MACROD2: variants seen among roughly 807,000 people sequenced by gnomAD.
MACROD2 encodes the protein ADP-ribose glycohydrolase MACROD2.
A neutral mutation model predicts 70.4 loss-of-function variants in MACROD2; 36 were observed. That is an observed-to-expected ratio of 0.51 (90% CI 0.39 to 0.68). MACROD2 has a LOEUF of 0.68. Among genes scored for constraint, MACROD2 ranks in the 30% least tolerant of loss-of-function variants. The pLI, the probability that MACROD2 is intolerant of heterozygous loss-of-function variation, is 0.00. For missense variants in MACROD2, 496 were observed against 538.4 expected (o/e 0.92, Z 0.78); for synonymous variants, 172 against 178.8 (o/e 0.96, Z 0.30).
chr20:15,829,460 C>T (rs958831096), intron 8 of MACROD2, among the ~76,000 whole-genome samples: 9 of 152,046 alleles, frequency 5.9e-5, no homozygotes, highest in African/African-American at 1.2e-4. Flanking sequence ...TCATCCAGGC[C>T]GTAGATACTA....
chr20:14,854,755 G>A (rs1425701990), intron 5 of MACROD2, among the ~76,000 whole-genome samples: 1 of 152,144 alleles, frequency 6.6e-6, no homozygotes, highest in Non-Finnish European at 1.5e-5. Context: ...GATGGCTCAC[G>A]CCTATAATCC....
intron 12 of MACROD2, among the ~76,000 whole-genome samples, chr20:15,938,086 AC>A (rs1162523676): frequency 1.3e-4 from 20 of 152,098 alleles, no homozygotes; most frequent in Admixed American, 3.9e-4. Context: ...AAAAAAAAAA[AC>A]AATTTACTTT....
At chr20:14,040,860 G>C (rs144785718) in intron 2 of MACROD2, among the ~76,000 whole-genome samples, 1,798 of 152,184 alleles carry the variant, frequency 0.012, 32 homozygotes, top group African/African-American at 0.041. Context: ...GATTGTAGTG[G>C]GCATGCTATT....
chr20:14,685,598 C>T (rs1391818187), intron 5 of MACROD2, among the ~76,000 whole-genome samples: 1 of 152,164 alleles, frequency 6.6e-6, no homozygotes, highest in African/African-American at 2.4e-5. Flanking sequence ...AACTGGGTGG[C>T]ATGGTATGGG....
At chr20:15,242,514 C>G (rs1295622180) in intron 6 of MACROD2, among the ~76,000 whole-genome samples, 2 of 152,028 alleles carry the variant, frequency 1.3e-5, no homozygotes, top group African/African-American at 4.8e-5. Flanking sequence ...ATTGTGATGT[C>G]TTTGTTTTTG....
At chr20:15,176,442 A>G (rs1568618197) in intron 5 of MACROD2, among the ~76,000 whole-genome samples, 1 of 152,034 alleles carries the variant, frequency 6.6e-6, no homozygotes, top group Non-Finnish European at 1.5e-5. Context: ...ATCAGCATGC[A>G]CTTCCTCCCT....
At chr20:15,873,652 G>GTAGAAAGAT (rs1284782486) in intron 9 of MACROD2, among the ~76,000 whole-genome samples, 1 of 151,720 alleles carries the variant, frequency 6.6e-6, no homozygotes, top group Admixed American at 6.6e-5. Flanking sequence ...GTGAGAAAAG[G>GTAGAAAGAT]TAGAAAGATA....
chr20:14,881,936 C>G (rs1291840546), intron 5 of MACROD2, among the ~76,000 whole-genome samples: 1 of 152,130 alleles, frequency 6.6e-6, no homozygotes, highest in Non-Finnish European at 1.5e-5. Flanking sequence ...TTTATATGGG[C>G]CAACATTTGC....
chr20:13,998,940 G>A (rs1043504055), intron 1 of MACROD2, among the ~76,000 whole-genome samples: 3 of 139,130 alleles, frequency 2.2e-5, no homozygotes, highest in Non-Finnish European at 4.6e-5. Flanking sequence ...GAATGACAGA[G>A]CAAGACTCCG....
intron 6 of MACROD2, among the ~76,000 whole-genome samples, chr20:15,415,610 T>C (rs1448221148): frequency 6.6e-6 from 1 of 152,218 alleles, no homozygotes; most frequent in African/African-American, 2.4e-5. Flanking sequence ...CAAGATGCAA[T>C]CATAAGATTG....
chr20:14,632,234 A>G (rs1191154012), intron 4 of MACROD2, among the ~76,000 whole-genome samples: 5 of 152,174 alleles, frequency 3.3e-5, no homozygotes, highest in African/African-American at 1.2e-4. Flanking sequence ...TCTGGCAAAA[A>G]TCAGTCCTTC....
At chr20:15,846,952 T>TATATA (rs1172376682) in intron 8 of MACROD2, among the ~76,000 whole-genome samples, 1 of 103,146 alleles carries the variant, frequency 9.7e-6, no homozygotes, top group Non-Finnish European at 2.1e-5. Flanking sequence ...TATATATATA[T>TATATA]GGCTTCTTCA....
At chr20:15,149,696 C>T (rs2076255406) in intron 5 of MACROD2, among the ~76,000 whole-genome samples, 2 of 152,078 alleles carry the variant, frequency 1.3e-5, no homozygotes, top group African/African-American at 4.8e-5. Context: ...GCGGCAGCAG[C>T]TGCTGCACGG....
intron 15 of MACROD2, among the ~76,000 whole-genome samples, chr20:15,991,273 T>C (rs886396673): frequency 2.0e-5 from 3 of 152,238 alleles, no homozygotes; most frequent in Admixed American, 6.5e-5. Context: ...TTTCATCTTT[T>C]AGTGAACACA....
At chr20:15,297,245 C>T (rs2146118787) in intron 6 of MACROD2, among the ~76,000 whole-genome samples, 1 of 152,260 alleles carries the variant, frequency 6.6e-6, no homozygotes, top group Admixed American at 6.5e-5. Flanking sequence ...GATACACTCA[C>T]CCAAATAAGT....
At chr20:14,042,147 AC>A (rs1382412678) in intron 2 of MACROD2, among the ~76,000 whole-genome samples, 1 of 152,214 alleles carries the variant, frequency 6.6e-6, no homozygotes, top group African/African-American at 2.4e-5. Flanking sequence ...GGAACCATGA[AC>A]AAAAAATTCT....
chr20:15,917,780 G>A (rs184077086), intron 10 of MACROD2, among the ~76,000 whole-genome samples: 10 of 151,314 alleles, frequency 6.6e-5, no homozygotes, highest in Admixed American at 1.3e-4. Flanking sequence ...GTATTACTTA[G>A]CCCATGAGTT....
chr20:14,630,168 C>G (rs370198691), intron 4 of MACROD2, among the ~76,000 whole-genome samples: 1 of 152,192 alleles, frequency 6.6e-6, no homozygotes, highest in South Asian at 2.1e-4. Context: ...CCCTCTTAAC[C>G]ATCCTGTTAC....
chr20:14,474,865 G>A (rs1251197123), intron 3 of MACROD2, among the ~76,000 whole-genome samples: 1 of 152,048 alleles, frequency 6.6e-6, no homozygotes, highest in Non-Finnish European at 1.5e-5. Context: ...TTTACTTACA[G>A]GTAAAGTGAG....
Sources: gnomAD v4.1 joint callset for allele counts (sites outside exome capture counted in the v4.1 genomes callset) on GRCh38, gnomAD v4.1.1 for gene constraint, MANE v1.5 for transcripts, NCBI Gene and HGNC (gene_info 2026-07-23, HGNC 2026-07-21) for gene names.